The following LEF1 variants were observed in gnomAD, a reference collection of about 807,000 sequenced individuals.
LEF1 encodes the protein lymphoid enhancer binding factor 1.
LEF1 carries 14 observed loss-of-function variants against 51.2 expected under a neutral mutation model. The ratio of observed to expected loss-of-function variants is 0.27; its 90% CI spans 0.18 to 0.43. The LOEUF (loss-of-function observed/expected upper bound fraction) is 0.43. Among genes scored for constraint, LEF1 ranks in the 20% least tolerant of loss-of-function variants. LEF1 has a pLI of 1.00. For synonymous variants in LEF1, 185 were observed against 183.2 expected (o/e 1.01, Z -0.08); for missense variants, 386 against 512.0 (o/e 0.75, Z 2.37).
intron 11 of LEF1, among the ~76,000 whole-genome samples, chr4:108,049,628 C>T (rs1470020042): frequency 2.6e-5 from 4 of 152,312 alleles, no homozygotes; most frequent in East Asian, 3.9e-4. Flanking sequence ...GCTGGAAGCA[C>T]CTTCTCAACC....
At position 108,168,695 on chromosome 4, in the gene LEF1, C is replaced by G. The variant is rs1009128760; in HGVS notation, c.-928G>C. On this transcript the variant is annotated 5_prime_UTR_variant, in exon 1 of 12. Coordinates refer to ENST00000265165, the MANE Select transcript of LEF1 (RefSeq NM_016269.5). This position sits in a 1 kb window ranked among gnomAD's most constrained non-coding sequence, Gnocchi z 4.6. ...GTCCGACCCCTCTTTGTTCCCGGCT[C>G]GAGTTTCTCAGCCTGGCTCGCCGGC... is the stretch of plus-strand genomic sequence containing the variant. The G allele has an allele frequency of 3.9e-5, 6 of 152,220 alleles. No individual in the cohort carries two copies. Among genetic ancestry groups the G allele is most frequent in the Admixed American group, 6.5e-5 (1 of 15,288 alleles). The allele number at this position is 152,220 out of a possible 1,614,324, so 9.4% of individuals were successfully genotyped here. A position where few individuals can be genotyped will look rare whatever the true frequency, so the allele number is the denominator to read the frequency against.
At chr4:108,086,557 C>T (rs1011004628) in intron 4 of LEF1, among the ~76,000 whole-genome samples, 2 of 152,114 alleles carry the variant, frequency 1.3e-5, no homozygotes, top group African/African-American at 2.4e-5. Flanking sequence ...ACTAGCTATG[C>T]ATTTTTGAGG....
chr4:108,168,267 C>A lies in LEF1; in HGVS notation c.-500G>T, dbSNP rs1578419895. ...GGATGCCGACTTAGTAGTTTGTTTTCCGAGAAAAGAGAGGGGATCTGGGCA... is the reference window on the plus strand; with the variant it reads ...GGATGCCGACTTAGTAGTTTGTTTTACGAGAAAAGAGAGGGGATCTGGGCA... On this transcript the variant is annotated 5_prime_UTR_variant, in exon 1 of 12. Transcript: ENST00000265165. The surrounding 1 kb of genome is among the most constrained non-coding windows in gnomAD (Gnocchi z 4.6). 1 of 152,434 alleles carries A rather than the reference C, an allele frequency of 6.6e-6. No homozygotes were observed. Among genetic ancestry groups the A allele is most frequent in the Non-Finnish European group, 1.5e-5 (1 of 68,268 alleles). 9.4% of individuals were successfully genotyped at this position (152,434 alleles called of 1,614,324 possible).
chr4:108,069,252 A>G (rs1246874511), intron 9 of LEF1, among the ~76,000 whole-genome samples: 4 of 152,246 alleles, frequency 2.6e-5, no homozygotes, highest in African/African-American at 7.2e-5. Flanking sequence ...CCTGTTGTTT[A>G]TAACTCACCA....
At chr4:108,131,854 A>G (rs1040356818) in intron 3 of LEF1, among the ~76,000 whole-genome samples, 1 of 152,244 alleles carries the variant, frequency 6.6e-6, no homozygotes, top group Non-Finnish European at 1.5e-5. Flanking sequence ...GTATGATGAT[A>G]TAACAGTGAG....
chr4:108,109,239 A>C (rs1235593038), intron 3 of LEF1, among the ~76,000 whole-genome samples: 1 of 152,214 alleles, frequency 6.6e-6, no homozygotes, highest in African/African-American at 2.4e-5. Context: ...CAGTGTTTTT[A>C]GCCTGAGCAC....
intron 11 of LEF1, among the ~76,000 whole-genome samples, chr4:108,056,750 T>C (rs1578285890): frequency 6.6e-6 from 1 of 151,948 alleles, no homozygotes; most frequent in South Asian, 2.1e-4. Context: ...ACGACACATA[T>C]GGGAGCCTCT....
intron 3 of LEF1, among the ~76,000 whole-genome samples, chr4:108,098,519 C>T (rs1276557042): frequency 6.6e-6 from 1 of 151,116 alleles, no homozygotes; most frequent in African/African-American, 2.4e-5. Context: ...GGCTTTCACA[C>T]TTAAGTTTCT....
chr4:108,146,472 G>C (rs1372543115), intron 3 of LEF1, among the ~76,000 whole-genome samples: 6 of 152,330 alleles, frequency 3.9e-5, no homozygotes, highest in African/African-American at 1.4e-4. Context: ...GCAAAAAGAA[G>C]TATTGAGTCA....
Position 108,064,325 on chromosome 4 carries a change from A to C in LEF1, c.1165+11T>G. The C allele has an allele frequency of 6.2e-7, 1 of 1,606,166 alleles. No individual in the cohort carries two copies. Among genetic ancestry groups the C allele is most frequent in the Non-Finnish European group, 8.5e-7 (1 of 1,172,884 alleles). ...GCCTGAGGATTGACTGGAAAGTCTC[A>C]TGGTGCCTACCTGATGCAGATTCCT... On this transcript the variant is annotated intron_variant, in intron 10 of 11. Transcript: ENST00000265165.
intron 3 of LEF1, among the ~76,000 whole-genome samples, chr4:108,142,377 A>G (rs1743718745): frequency 6.6e-6 from 1 of 152,210 alleles, no homozygotes; most frequent in Non-Finnish European, 1.5e-5. Flanking sequence ...CAGAGACACA[A>G]ATCAGTATGA....
At chr4:108,161,629 A>C (rs1745057369) in intron 3 of LEF1, among the ~76,000 whole-genome samples, 1 of 152,264 alleles carries the variant, frequency 6.6e-6, no homozygotes, top group South Asian at 2.1e-4. Context: ...AACACAAGGC[A>C]GAATGCTGGC....
At chr4:108,095,023 T>C (rs560501751) in intron 3 of LEF1, among the ~76,000 whole-genome samples, 76 of 152,228 alleles carry the variant, frequency 5.0e-4, no homozygotes, top group African/African-American at 1.8e-3. Context: ...GTACTGGAAA[T>C]ATTTCCTAAG....
At chr4:108,070,816 G>C (rs369312312) in intron 8 of LEF1, 46 bp from the exon 9 acceptor site, 10 of 1,233,228 alleles carry the variant, frequency 8.1e-6, no homozygotes, top group Non-Finnish European at 1.2e-5. Context: ...AAGCAAAATA[G>C]CAATAGCATA....
At chr4:108,143,964 T>C (rs909432125) in intron 3 of LEF1, among the ~76,000 whole-genome samples, 1 of 152,088 alleles carries the variant, frequency 6.6e-6, no homozygotes, top group Non-Finnish European at 1.5e-5. Context: ...GGCCTATTTA[T>C]TTTTCCCTTC....
intron 3 of LEF1, among the ~76,000 whole-genome samples, chr4:108,123,519 T>C (rs558760884): frequency 2.3e-4 from 35 of 149,014 alleles, no homozygotes; most frequent in African/African-American, 6.9e-4. Context: ...GAAGCCTGGT[T>C]CATCACATTC....
chr4:108,157,177 T>TACAC (rs1326345518), intron 3 of LEF1, among the ~76,000 whole-genome samples: 2,013 of 89,170 alleles, frequency 0.023, 18 homozygotes, highest in South Asian at 0.028. Flanking sequence ...TCTATATATA[T>TACAC]ATACACACAC....
chr4:108,156,698 A>T (rs971932171), intron 3 of LEF1, among the ~76,000 whole-genome samples: 2 of 152,232 alleles, frequency 1.3e-5, no homozygotes, highest in Admixed American at 6.5e-5. Context: ...ACTATCATCA[A>T]CATTTTTTAT....
intron 11 of LEF1, among the ~76,000 whole-genome samples, chr4:108,054,876 T>C (rs1338600192): frequency 6.6e-6 from 1 of 152,218 alleles, no homozygotes; most frequent in East Asian, 1.9e-4. Context: ...TTTAATGCTT[T>C]TAATTTTTCT....
Sources: gnomAD v4.1 joint callset for allele counts (sites outside exome capture counted in the v4.1 genomes callset) on GRCh38, gnomAD v4.1.1 for gene constraint, Gnocchi (gnomAD v3.1) non-coding constraint, MANE v1.5 for transcripts, NCBI Gene and HGNC (gene_info 2026-07-23, HGNC 2026-07-21) for gene names.